GSE1: variants seen among roughly 807,000 people sequenced by gnomAD.
GSE1 encodes Gse1 coiled-coil protein, also known as genetic suppressor element 1.
In GSE1, 32 loss-of-function variants were observed where a neutral mutation model predicts 112.6. That is an observed-to-expected ratio of 0.28 (90% CI 0.21 to 0.38). The LOEUF (loss-of-function observed/expected upper bound fraction) is 0.38, where lower values mean the gene tolerates loss of function less well. Among genes scored for constraint, GSE1 ranks in the 10% least tolerant of loss-of-function variants. The pLI is 1.00. For missense variants in GSE1, 2,348 were observed against 1,699.2 expected, an observed-to-expected ratio of 1.38 and a Z score of -6.71; for synonymous variants, 1,115 against 735.6, an observed-to-expected ratio of 1.52 and a Z score of -8.35.
intron 2 of GSE1, among the ~76,000 whole-genome samples, chr16:85,505,811 G>A (rs1338473061): frequency 6.6e-6 from 1 of 152,032 alleles, no homozygotes; most frequent in East Asian, 1.9e-4. Context: ...GACCAGCTTG[G>A]GCAACATAGG....
intron 6 of GSE1, 22 bp downstream of exon 6, chr16:85,655,939 G>GA: frequency 6.3e-7 from 1 of 1,578,110 alleles, no homozygotes; most frequent in South Asian, 1.1e-5. Flanking sequence ...TCGAGCCGAG[G>GA]AGCCCCTCTG....
chr16:85,255,963 C>G (rs747115386), intron 1 of GSE1, among the ~76,000 whole-genome samples: 1 of 152,220 alleles, frequency 6.6e-6, no homozygotes, highest in African/African-American at 2.4e-5. Flanking sequence ...GCTGGGAATA[C>G]AGGCGTGAGC....
At chr16:85,490,803 C>T (rs2050987053) in intron 2 of GSE1, 1 of 152,226 alleles carries the variant, frequency 6.6e-6, no homozygotes, top group Non-Finnish European at 1.5e-5. Context: ...TATAGAGAAC[C>T]TATGTAAAAT....
chr16:85,423,884 G>C (rs1317634562), intron 2 of GSE1, among the ~76,000 whole-genome samples: 1 of 152,170 alleles, frequency 6.6e-6, no homozygotes, highest in African/African-American at 2.4e-5. Context: ...CATCTTCGGG[G>C]AAGACCCCCT....
chr16:85,342,480 C>T (rs189670442), intron 1 of GSE1, among the ~76,000 whole-genome samples: 34 of 152,214 alleles, frequency 2.2e-4, no homozygotes, highest in African/African-American at 7.0e-4. Flanking sequence ...CGCTCATCTG[C>T]GGTGGCCCAC....
chr16:85,356,202 C>T (rs1003639956), intron 1 of GSE1, among the ~76,000 whole-genome samples: 1 of 152,228 alleles, frequency 6.6e-6, no homozygotes, highest in Non-Finnish European at 1.5e-5. Context: ...GCGTCGTCAC[C>T]ATCAGCATCC....
chr16:85,433,338 T>A lies in GSE1; in HGVS notation c.2464+75695T>A, dbSNP rs143798125. 3.2e-3 allele frequency among the ~76,000 whole-genome samples: 484 copies of A among 152,288 alleles called. 1 individual carries two copies. The highest frequency in any genetic ancestry group is 4.8e-3 in the Non-Finnish European group (329 of 68,016). On this transcript the variant is annotated intron_variant, in intron 2 of 2. Coordinates refer to the GSE1 transcript ENST00000637419. ...AAGTCACCTGGGTCCAGTTACCAGA[T>A]TATAAAAGTAGAGTTGTGATTTGAC...
intron 1 of GSE1, among the ~76,000 whole-genome samples, chr16:85,622,786 T>C (rs937950870): frequency 6.6e-6 from 1 of 152,184 alleles, no homozygotes; most frequent in African/African-American, 2.4e-5. Context: ...AAGCTGAGCC[T>C]GGGAAGGGGT....
At chr16:85,239,744 C>T (rs1002290366) in intron 1 of GSE1, among the ~76,000 whole-genome samples, 2 of 152,240 alleles carry the variant, frequency 1.3e-5, no homozygotes, top group African/African-American at 4.8e-5. Flanking sequence ...TTGGGGGTCC[C>T]ACCGGGGCTG....
chr16:85,481,642 T>A lies in GSE1; in HGVS notation c.2464+123999T>A, dbSNP rs74031812. 1.3e-3 allele frequency among the ~76,000 whole-genome samples: 195 copies of A among 152,326 alleles called. 1 individual carries two copies. Among genetic ancestry groups the A allele is most frequent in the African/African-American group, 3.9e-3 (164 of 41,576 alleles). The stretch of plus-strand genomic sequence containing the variant: ...CTGGAAGTGCTTGATGTGGTCACTT[T>A]CCAGGAGCTGAGACGAGCAGGTGGA... On this transcript the variant is annotated intron_variant, in intron 2 of 2. Transcript: ENST00000637419.
chr16:85,377,623 C>T (rs921095799), intron 2 of GSE1, among the ~76,000 whole-genome samples: 18 of 152,216 alleles, frequency 1.2e-4, no homozygotes, highest in African/African-American at 4.3e-4. Flanking sequence ...GTTCTCACCC[C>T]ACATGCCCTG....
chr16:85,296,531 C>T (rs1252567961), intron 1 of GSE1, among the ~76,000 whole-genome samples: 2 of 152,146 alleles, frequency 1.3e-5, no homozygotes, highest in African/African-American at 4.8e-5. Flanking sequence ...CGTTTGAGCC[C>T]AGGAGGTGGA....
At chr16:85,548,565 A>G (rs934781282) in intron 2 of GSE1, among the ~76,000 whole-genome samples, 4 of 152,146 alleles carry the variant, frequency 2.6e-5, no homozygotes, top group Non-Finnish European at 5.9e-5. Context: ...TGTTGCTGCA[A>G]ATGACAGGGT....
intron 4 of GSE1, among the ~76,000 whole-genome samples, 165 bp from the exon 5 acceptor site, chr16:85,654,629 G>T (rs1366938039): frequency 1.3e-5 from 2 of 152,094 alleles, no homozygotes; most frequent in Non-Finnish European, 1.5e-5. Flanking sequence ...AGGTGGCAGT[G>T]GCAGCTCGCT....
chr16:85,361,610 G>A (rs16975559), intron 2 of GSE1, among the ~76,000 whole-genome samples: 13,411 of 152,260 alleles, frequency 0.088, 1,882 homozygotes, highest in African/African-American at 0.3. Context: ...CAGGTGGCGC[G>A]ACTGTAACCG....
chr16:85,575,938 G>A (rs1333643551), intron 1 of GSE1, among the ~76,000 whole-genome samples: 1 of 132,446 alleles, frequency 7.6e-6, no homozygotes, highest in East Asian at 2.2e-4. Context: ...GTTTTTTAAT[G>A]TGTCTGACAG....
At chr16:85,342,181 A>G (rs1483696322) in intron 1 of GSE1, among the ~76,000 whole-genome samples, 1 of 151,588 alleles carries the variant, frequency 6.6e-6, no homozygotes, top group Admixed American at 6.6e-5. Context: ...TGTTTCCATG[A>G]TCCCGTGACA....
chr16:85,300,161 G>A (rs917338014), intron 1 of GSE1, among the ~76,000 whole-genome samples: 3 of 151,870 alleles, frequency 2.0e-5, no homozygotes, highest in Non-Finnish European at 2.9e-5. Context: ...ACAGGCACCC[G>A]CCACCACACC....
intron 1 of GSE1, among the ~76,000 whole-genome samples, chr16:85,581,465 C>T (rs2046445092): frequency 6.6e-6 from 1 of 152,072 alleles, no homozygotes; most frequent in Admixed American, 6.5e-5. Flanking sequence ...TTTTAGGATT[C>T]GGATTCTGGG....
Sources: allele counts gnomAD v4.1 joint callset (sites outside exome capture counted in the v4.1 genomes callset), GRCh38; gene constraint gnomAD v4.1.1; transcripts MANE v1.5; gene names NCBI Gene and HGNC (gene_info 2026-07-23, HGNC 2026-07-21).